The following SORT1 variants were observed in gnomAD, a reference collection of about 807,000 sequenced individuals.
SORT1 encodes sortilin 1, also known as sortilin.
Under a neutral mutation model 101.7 loss-of-function variants are expected in SORT1, and 39 were observed. The ratio of observed to expected loss-of-function variants is 0.38; its 90% CI spans 0.30 to 0.50. The LOEUF (loss-of-function observed/expected upper bound fraction) is 0.50, where lower values mean the gene tolerates loss of function less well. Among genes scored for constraint, SORT1 ranks in the 20% least tolerant of loss-of-function variants. SORT1 has a pLI of 0.90. For missense variants in SORT1, 878 were observed against 1,040.4 expected (o/e 0.84, Z 2.15); for synonymous variants, 396 against 393.7 (o/e 1.01, Z -0.07).
intron 5 of SORT1, among the ~76,000 whole-genome samples, chr1:109,351,338 A>G (rs1186606139): frequency 6.6e-6 from 1 of 152,226 alleles, no homozygotes; most frequent in East Asian, 1.9e-4. Flanking sequence ...AAAGTTCAAC[A>G]CTATGCAGAG....
intron 1 of SORT1, among the ~76,000 whole-genome samples, chr1:109,385,177 G>A (rs1309252879): frequency 6.6e-6 from 1 of 152,122 alleles, no homozygotes; most frequent in South Asian, 2.1e-4. Flanking sequence ...CCATTCATGA[G>A]TTGGTGCCCT....
intron 6 of SORT1, 137 bp from the exon 7 acceptor site, chr1:109,347,669 A>C: frequency 1.6e-6 from 1 of 611,372 alleles, no homozygotes; most frequent in Non-Finnish European, 3.0e-6. Flanking sequence ...TCAGGCGCTG[A>C]GCCCTGGTCC....
intron 11 of SORT1, among the ~76,000 whole-genome samples, chr1:109,334,410 T>C (rs1172813055): frequency 4.6e-5 from 7 of 152,194 alleles, no homozygotes; most frequent in Non-Finnish European, 7.3e-5. Flanking sequence ...GGAGGCATTA[T>C]GTTAAGTAAA....
chr1:109,349,760 A>T (rs563284947), intron 6 of SORT1, among the ~76,000 whole-genome samples: 1 of 152,332 alleles, frequency 6.6e-6, no homozygotes, highest in African/African-American at 2.4e-5. Flanking sequence ...CAAAAGAGCA[A>T]TACCCTATCT....
intron 1 of SORT1, among the ~76,000 whole-genome samples, chr1:109,375,773 C>T (rs945532353): frequency 6.6e-6 from 1 of 152,100 alleles, no homozygotes; most frequent in Non-Finnish European, 1.5e-5. Flanking sequence ...TGATAGCCGA[C>T]TCTTCCTACA....
chr1:109,323,894 T>C (rs1647808255), intron 14 of SORT1, among the ~76,000 whole-genome samples: 2 of 152,172 alleles, frequency 1.3e-5, no homozygotes, highest in East Asian at 1.9e-4. Context: ...ACTGAATGGA[T>C]TTAGATGACA....
chr1:109,327,183 AT>A, intron 12 of SORT1, 23 bp from the exon 13 acceptor site: 1 of 1,584,982 alleles, frequency 6.3e-7, no homozygotes. Context: ...CCACCATCTC[AT>A]TAGCACAAAT....
intron 1 of SORT1, among the ~76,000 whole-genome samples, chr1:109,374,769 A>G (rs1293995166): frequency 1.3e-5 from 2 of 152,096 alleles, no homozygotes; most frequent in African/African-American, 2.4e-5. Flanking sequence ...GACCAGCCTC[A>G]CCAACATGGT....
chr1:109,325,035 G>C lies in SORT1; in HGVS notation c.1698C>G (p.Pro566=). The change falls in exon 14 of 20, where the codon CCC becomes CCG. Residue 566 remains proline (P), a synonymous_variant. Coordinates refer to ENST00000256637, the MANE Select transcript of SORT1 (RefSeq NM_002959.7). ...CWQTYTFTRD[P]IYFTGLASEP... ...CTGAAGCTAGGCCAGTGAAATAGAT[G>C]GGGTCCCTGGTGAACGTGTAGGTTT... 1 of 1,613,666 alleles carries C rather than the reference G, an allele frequency of 6.2e-7. No individual in the cohort carries two copies. Among genetic ancestry groups the C allele is most frequent in the Non-Finnish European group, 8.5e-7 (1 of 1,179,668 alleles).
At chr1:109,338,578 T>C (rs1570918314) in intron 10 of SORT1, among the ~76,000 whole-genome samples, 1 of 152,308 alleles carries the variant, frequency 6.6e-6, no homozygotes, top group East Asian at 1.9e-4. Flanking sequence ...GCTACTGCTA[T>C]GCACCCTTAC....
chr1:109,345,664 C>A, intron 8 of SORT1, 87 bp downstream of exon 8: 1 of 1,294,366 alleles, frequency 7.7e-7, no homozygotes, highest in Non-Finnish European at 1.1e-6. Flanking sequence ...AGACAAGAAA[C>A]TCTGTCAATG....
chr1:109,349,629 A>G (rs1478899653), intron 6 of SORT1, among the ~76,000 whole-genome samples: 1 of 150,398 alleles, frequency 6.6e-6, no homozygotes, highest in East Asian at 2.0e-4. Context: ...AAAATTAGCT[A>G]GGCATGGTGG....
intron 11 of SORT1, among the ~76,000 whole-genome samples, chr1:109,334,755 T>A (rs1648695325): frequency 6.6e-6 from 1 of 152,178 alleles, no homozygotes; most frequent in South Asian, 2.1e-4. Context: ...ACAATGTATA[T>A]ATATATCAAA....
rs537243586 is a variant in SORT1, at chr1:109,345,368, A to G, written c.963+383T>C. 3.3e-5 allele frequency among the ~76,000 whole-genome samples: 5 copies of G among 152,286 alleles called. No homozygotes were observed. The East Asian group carries it at 9.7e-4, about 29-fold the overall frequency. Reference sequence around the variant, plus strand: ...CATCTCTACTAAAAATACAAAAATTATCCGGGTGTGGTGGTGCACACCTAT... The same window carrying G: ...CATCTCTACTAAAAATACAAAAATTGTCCGGGTGTGGTGGTGCACACCTAT... On this transcript the variant is annotated intron_variant, in intron 8 of 19. Transcript: ENST00000256637.
intron 11 of SORT1, among the ~76,000 whole-genome samples, chr1:109,335,796 C>T (rs889493837): frequency 6.6e-6 from 1 of 152,200 alleles, no homozygotes; most frequent in African/African-American, 2.4e-5. Flanking sequence ...CAGGTCACCA[C>T]CCACTGGCCA....
intron 3 of SORT1, among the ~76,000 whole-genome samples, chr1:109,366,163 G>A (rs1297558586): frequency 3.3e-5 from 5 of 152,108 alleles, no homozygotes; most frequent in East Asian, 1.9e-4. Context: ...GCTAAGGAAC[G>A]GAACCTACTT....
chr1:109,353,372 C>A (rs114226916), intron 5 of SORT1, among the ~76,000 whole-genome samples: 3,864 of 148,756 alleles, frequency 0.026, 159 homozygotes, highest in African/African-American at 0.09. Flanking sequence ...AAAAACATAA[C>A]TCTGGCCCTC....
In SORT1 at chr1:109,355,349, T is replaced by A. The variant is rs369882337; in HGVS notation, c.543+18A>T. The stretch of plus-strand genomic sequence containing the variant: ...TGGTATCAAGCACAAGCTTTATGTA[T>A]ACAAGAATGAGTCTCACCTTTCCAG... On this transcript the variant is annotated intron_variant, in intron 4 of 19. Coordinates refer to ENST00000256637, the MANE Select transcript of SORT1 (RefSeq NM_002959.7). The A allele has an allele frequency of 1.6e-6, 2 of 1,280,312 alleles. No individual in the cohort carries two copies. The highest frequency in any genetic ancestry group is 2.4e-5 in the South Asian group (2 of 84,460). The allele number at this position is 1,280,312 out of a possible 1,614,324, so 79.3% of individuals were successfully genotyped here. A position where few individuals can be genotyped will look rare whatever the true frequency, so the allele number is the denominator to read the frequency against.
intron 1 of SORT1, among the ~76,000 whole-genome samples, chr1:109,382,728 G>A (rs1174106294): frequency 6.6e-6 from 1 of 152,134 alleles, no homozygotes; most frequent in Non-Finnish European, 1.5e-5. Context: ...GTAACTGGCT[G>A]GCATTTATAG....
Sources: gnomAD v4.1 joint callset for allele counts (sites outside exome capture counted in the v4.1 genomes callset) on GRCh38, gnomAD v4.1.1 for gene constraint, MANE v1.5 for transcripts, NCBI Gene and HGNC (gene_info 2026-07-23, HGNC 2026-07-21) for gene names.